TCP11L2: variants seen among roughly 807,000 people sequenced by gnomAD.
The protein encoded by TCP11L2 is T-complex protein 11-like protein 2.
TCP11L2 carries 39 observed loss-of-function variants against 50.7 expected under a neutral mutation model. The observed-to-expected ratio is 0.77, with a 90% CI of 0.60 to 1.01. The LOEUF (loss-of-function observed/expected upper bound fraction) is 1.01. Among genes scored for constraint, TCP11L2 ranks in the 50% least tolerant of loss-of-function variants. The pLI, the probability that TCP11L2 is intolerant of heterozygous loss-of-function variation, is 0.00. For missense variants in TCP11L2, 612 were observed against 614.7 expected (o/e 1.00, Z 0.05); for synonymous variants, 192 against 219.3 (o/e 0.88, Z 1.10).
intron 5 of TCP11L2, among the ~76,000 whole-genome samples, chr12:106,323,168 CT>C (rs933256181): frequency 6.6e-6 from 1 of 152,266 alleles, no homozygotes; most frequent in South Asian, 2.1e-4. Context: ...CTTGTCCTTT[CT>C]TTTTTTAATT....
intron 8 of TCP11L2, among the ~76,000 whole-genome samples, chr12:106,337,387 C>G (rs2035954977): frequency 6.6e-6 from 1 of 152,196 alleles, no homozygotes; most frequent in Non-Finnish European, 1.5e-5. Flanking sequence ...AGACCAAGGA[C>G]TGAGCCCTGA....
chr12:106,341,972 A>G (rs1203516477), intron 9 of TCP11L2, among the ~76,000 whole-genome samples: 1 of 152,156 alleles, frequency 6.6e-6, no homozygotes, highest in Non-Finnish European at 1.5e-5. Context: ...TTTTCTCTGT[A>G]ACACCTGATG....
At position 106,346,468 on chromosome 12, in the gene TCP11L2, C is replaced by G. The variant is rs199918617; in HGVS notation, c.1498C>G (p.Arg500Gly). The G allele has an allele frequency of 1.2e-6, 2 of 1,613,968 alleles. No homozygotes were observed. The highest frequency in any genetic ancestry group is 1.3e-5 in the African/African-American group (1 of 74,906). ...VYGPFYANIL[R>G]KLLFNEEAMG... is the part of the protein sequence containing the mutation. ...TGGACCATTTTATGCAAATATACTT[C>G]GAAAGCTGCTCTTCAATGAGGAAGC... is the stretch of plus-strand genomic sequence containing the variant. Residue 500 changes from arginine to glycine, a missense_variant, in exon 10 of 10, where the codon CGA (arginine) becomes GGA (glycine). Transcript: ENST00000299045.
At chr12:106,340,597 C>T (rs559238275) in intron 8 of TCP11L2, among the ~76,000 whole-genome samples, 1 of 152,302 alleles carries the variant, frequency 6.6e-6, no homozygotes, top group East Asian at 1.9e-4. Flanking sequence ...TTATGCTTTT[C>T]TATTTAAACA....
rs79646734 is a variant in TCP11L2, at chr12:106,321,510, G to A, written c.439G>A (p.Gly147Ser). ...REILLSFLTP[G>S]GNRLRNQICE... The stretch of plus-strand genomic sequence containing the variant: ...GATTCTTCTCTCTTTTCTCACTCCC[G>A]GTGGCAACCGGCTTCGCAACCAAAT... Residue 147 changes from glycine to serine, a missense_variant, in exon 5 of 10, where the codon GGT becomes AGT. Physicochemically the swap from Gly to Ser is moderately conservative, Grantham distance 56. Coordinates refer to ENST00000299045, the MANE Select transcript of TCP11L2 (RefSeq NM_152772.3). The A allele has an allele frequency of 6.3e-5, 101 of 1,613,880 alleles. No homozygotes were observed. Among genetic ancestry groups the A allele is most frequent in the East Asian group, 8.9e-5 (4 of 44,868 alleles).
intron 6 of TCP11L2, among the ~76,000 whole-genome samples, chr12:106,329,097 A>T (rs941061785): frequency 2.6e-5 from 4 of 152,058 alleles, no homozygotes; most frequent in Non-Finnish European, 5.9e-5. Context: ...GATGTCATGG[A>T]TAAGGAAACT....
chr12:106,324,754 G>C (rs758295870), intron 6 of TCP11L2: 1 of 152,184 alleles, frequency 6.6e-6, no homozygotes, highest in African/African-American at 2.4e-5. Context: ...TTGGATAAGG[G>C]AGAAAAGAGT....
At chr12:106,315,213 G>T (rs139936452) in intron 3 of TCP11L2, among the ~76,000 whole-genome samples, 2 of 152,064 alleles carry the variant, frequency 1.3e-5, no homozygotes, top group Non-Finnish European at 1.5e-5. Flanking sequence ...TACAGCCTGC[G>T]CAACAGAGTA....
At chr12:106,310,963 G>A in intron 1 of TCP11L2, 78 bp from the exon 2 acceptor site, 1 of 1,304,756 alleles carries the variant, frequency 7.7e-7, no homozygotes, top group Non-Finnish European at 1.1e-6. Flanking sequence ...GGGGACAGTT[G>A]TCTACACTGG....
intron 6 of TCP11L2, among the ~76,000 whole-genome samples, chr12:106,326,567 A>C (rs2035552632): frequency 6.6e-6 from 1 of 152,162 alleles, no homozygotes; most frequent in Admixed American, 6.5e-5. Flanking sequence ...GTACCACTTT[A>C]GTAGTCTATG....
chr12:106,300,144 T>C (rs1391785262), upstream of TCP11L2, among the ~76,000 whole-genome samples: 1 of 151,640 alleles, frequency 6.6e-6, no homozygotes, highest in South Asian at 2.1e-4. Flanking sequence ...ATTTTACTTC[T>C]AAAGAGGTTG....
intron 4 of TCP11L2, 25 bp from the exon 5 acceptor site, chr12:106,321,461 T>A: frequency 6.3e-7 from 1 of 1,575,146 alleles, no homozygotes; most frequent in South Asian, 1.1e-5. Flanking sequence ...CATGATGCTG[T>A]TAATTTTTAT....
At chr12:106,335,577 G>A (rs2035887743) in intron 6 of TCP11L2, 62 bp from the exon 7 acceptor site, 1 of 1,535,304 alleles carries the variant, frequency 6.5e-7, no homozygotes, top group Non-Finnish European at 8.9e-7. Flanking sequence ...TCTGTCAAGT[G>A]GAATACACCA....
In TCP11L2 at chr12:106,335,043, A is replaced by G. The variant is rs1472818828; in HGVS notation, c.773-596A>G. ...GTCAATCTGGTAAGAGAGAATGACA[A>G]TTGTTTGTGGACATGTGCACGTGAT... On this transcript the variant is annotated intron_variant, in intron 6 of 9. Coordinates refer to ENST00000299045, the MANE Select transcript of TCP11L2 (RefSeq NM_152772.3). 4.6e-5 allele frequency among the ~76,000 whole-genome samples: 7 copies of G among 152,148 alleles called. No individual in the cohort carries two copies. In the South Asian group the frequency reaches 6.2e-4, roughly 13 times the overall value.
intron 1 of TCP11L2, among the ~76,000 whole-genome samples, chr12:106,309,371 AG>A (rs1489712512): frequency 6.6e-6 from 1 of 151,986 alleles, no homozygotes; most frequent in Non-Finnish European, 1.5e-5. Context: ...GGATAAGGTG[AG>A]TGTCTCCACT....
upstream of TCP11L2, among the ~76,000 whole-genome samples, chr12:106,301,065 G>C (rs1375048726): frequency 6.6e-6 from 1 of 152,206 alleles, no homozygotes; most frequent in East Asian, 1.9e-4. Context: ...GAGTTTTTAG[G>C]GTGGTGATGG....
At chr12:106,300,519 A>G (rs935670376), upstream of TCP11L2, among the ~76,000 whole-genome samples, 5 of 151,882 alleles carry the variant, frequency 3.3e-5, no homozygotes, top group East Asian at 7.7e-4. Flanking sequence ...TTTAGTAGAG[A>G]CGGGGTTTCA....
intron 9 of TCP11L2, among the ~76,000 whole-genome samples, chr12:106,345,446 A>C (rs1336245278): frequency 6.6e-6 from 1 of 152,164 alleles, no homozygotes; most frequent in South Asian, 2.1e-4. Context: ...AGTTTGCCAG[A>C]TCTCTAGATT....
chr12:106,303,284 C>T (rs1324773641), intron 1 of TCP11L2: 1 of 152,982 alleles, frequency 6.5e-6, no homozygotes, highest in Non-Finnish European at 1.5e-5. Context: ...ATCAGGGGCC[C>T]AGGGCACCCC....
Sources: gnomAD v4.1 joint callset for allele counts (sites outside exome capture counted in the v4.1 genomes callset) on GRCh38, gnomAD v4.1.1 for gene constraint, MANE v1.5 for transcripts, NCBI Gene and HGNC (gene_info 2026-07-23, HGNC 2026-07-21) for gene names.